Variants in MALRD1 observed in about 807,000 individuals in gnomAD.
The protein encoded by MALRD1 is MAM and LDL-receptor class A domain-containing protein 1.
MALRD1 carries 247 observed loss-of-function variants against 242.1 expected under a neutral mutation model. The ratio of observed to expected loss-of-function variants is 1.02; its 90% CI spans 0.92 to 1.13. MALRD1 has a LOEUF of 1.13. MALRD1 is among the 50% of genes most tolerant of loss of function. MALRD1 has a pLI of 0.00. For missense variants in MALRD1, 2,989 were observed against 2,533.1 expected (o/e 1.18, Z -3.86); for synonymous variants, 995 against 866.6 (o/e 1.15, Z -2.60).
At chr10:19,697,123 AG>A (rs1439707328) in intron 38 of MALRD1, among the ~76,000 whole-genome samples, 3 of 152,168 alleles carry the variant, frequency 2.0e-5, no homozygotes, top group Admixed American at 1.3e-4. Flanking sequence ...ACATAAAAAT[AG>A]GATACAGAGA....
rs3045358 is a variant in MALRD1 at position 19,485,646 on chromosome 10, T to TAAA, written c.5030-5860_5030-5858dup. On this transcript the variant is annotated intron_variant, in intron 29 of 39. Coordinates refer to ENST00000454679, the MANE Select transcript of MALRD1 (RefSeq NM_001142308.3). ...CGACAGAGCAAGACTCCGTCTCAATTAAAAAAAAAAAAATAGTAATAATAA... is the reference window on the plus strand; with the variant it reads ...CGACAGAGCAAGACTCCGTCTCAATTAAAAAAAAAAAAAAAATAGTAATAATAA... 1.8e-3 allele frequency among the ~76,000 whole-genome samples: 266 copies of TAAA among 145,432 alleles called. 2 individuals carry two copies. The highest frequency in any genetic ancestry group is 6.1e-3 in the East Asian group (30 of 4,942).
chr10:19,595,544 T>C lies in MALRD1; in HGVS notation c.5944+87T>C, dbSNP rs75105132. On this transcript the variant is annotated intron_variant, in intron 34 of 39. Transcript: ENST00000454679. ...AAGCTCGACAGATAAAATGAAGTTC[T>C]CTAGAGCCTTACCGTGATTGTATCA... 1,810 of 1,371,168 alleles carry C rather than the reference T, an allele frequency of 1.3e-3. 20 individuals carry two copies. The African/African-American group carries it at 0.024, about 18-fold the overall frequency. 84.9% of individuals were successfully genotyped at this position (1,371,168 alleles called of 1,614,324 possible). A position where few individuals can be genotyped will look rare whatever the true frequency, so the allele number is the denominator to read the frequency against.
chr10:19,165,387 C>T (rs1407467212), intron 12 of MALRD1, among the ~76,000 whole-genome samples: 1 of 150,998 alleles, frequency 6.6e-6, no homozygotes, highest in African/African-American at 2.4e-5. Context: ...TGCAACCTCC[C>T]CGCCTTCTGG....
At chr10:19,310,564 C>A (rs1315295103) in intron 21 of MALRD1, among the ~76,000 whole-genome samples, 2 of 151,510 alleles carry the variant, frequency 1.3e-5, no homozygotes, top group African/African-American at 4.8e-5. Context: ...GTTTTGAATT[C>A]TTTAGTTTAA....
Position 19,098,581 on chromosome 10 carries a change from G to A in MALRD1, c.598-5398G>A, listed in dbSNP as rs560338618. ...ACTCTCATCATTTTGTGTCTCAAAT[G>A]TTTGCTTGGGAAATAAATGGAATGT... On this transcript the variant is annotated intron_variant, in intron 4 of 39. Transcript: ENST00000454679. Among the ~76,000 whole-genome samples, 414 of 152,166 alleles carry A rather than the reference G, an allele frequency of 2.7e-3. 1 individual carries two copies. Among genetic ancestry groups the A allele is most frequent in the African/African-American group, 9.5e-3 (396 of 41,514 alleles).
At chr10:19,669,493 G>A (rs1181904688) in intron 36 of MALRD1, among the ~76,000 whole-genome samples, 2 of 152,142 alleles carry the variant, frequency 1.3e-5, no homozygotes, top group Non-Finnish European at 2.9e-5. Flanking sequence ...GGAGCAAAGG[G>A]ACAGGGAGTT....
intron 21 of MALRD1, among the ~76,000 whole-genome samples, chr10:19,307,401 A>T (rs1159517106): frequency 6.6e-6 from 1 of 151,548 alleles, no homozygotes. Context: ...CAGTCTCTCC[A>T]TCAGATTTGG....
chr10:19,050,822 C>T (rs1834471259), intron 1 of MALRD1, among the ~76,000 whole-genome samples: 1 of 152,200 alleles, frequency 6.6e-6, no homozygotes, highest in South Asian at 2.1e-4. Context: ...CATTATAAAT[C>T]TCTATGAAGC....
intron 36 of MALRD1, among the ~76,000 whole-genome samples, chr10:19,624,972 G>A (rs191425395): frequency 2.6e-4 from 39 of 152,100 alleles, no homozygotes; most frequent in Non-Finnish European, 4.4e-4. Context: ...AGGCAGAAGT[G>A]GGAGGATTGC....
chr10:19,636,031 G>T (rs11010817), intron 36 of MALRD1, among the ~76,000 whole-genome samples: 6,512 of 151,988 alleles, frequency 0.043, 190 homozygotes, highest in Middle Eastern at 0.092. Flanking sequence ...CTTCCCAGTA[G>T]CTGGGATTAC....
At chr10:19,099,914 C>T (rs1029123368) in intron 4 of MALRD1, among the ~76,000 whole-genome samples, 1 of 151,916 alleles carries the variant, frequency 6.6e-6, no homozygotes, top group Non-Finnish European at 1.5e-5. Flanking sequence ...GTGTGTACCA[C>T]CACACCTGGC....
rs1176793687 is a variant in MALRD1 at position 19,280,218 on chromosome 10, C to A, written c.3251C>A (p.Ser1084Tyr). 3 of 1,499,614 alleles carry A rather than the reference C, an allele frequency of 2.0e-6. No homozygotes were observed. The highest frequency in any genetic ancestry group is 1.8e-6 in the Non-Finnish European group (2 of 1,127,068). 92.9% of individuals were successfully genotyped at this position (1,499,614 alleles called of 1,614,324 possible). The change falls in exon 20 of 40, where the codon TCC becomes TAC. Residue 1084 changes from serine to tyrosine, a missense_variant. Ser to Tyr is a moderately radical substitution (Grantham distance 144). Transcript: ENST00000454679. ...TGCCCTGACAAATCAGATGAAGCAT[C>A]CTGTGGTAGGTGGATTCTTAAAATT... ...YDCPDKSDEA[S>Y]CVMEVCSFEK... is the part of the protein sequence containing the mutation.
chr10:19,129,944 A>G (rs1588588013), intron 8 of MALRD1, among the ~76,000 whole-genome samples: 1 of 150,690 alleles, frequency 6.6e-6, no homozygotes, highest in Middle Eastern at 3.5e-3. Context: ...TGTGATATAT[A>G]TATATATCTC....
intron 9 of MALRD1, among the ~76,000 whole-genome samples, chr10:19,135,761 A>C (rs1833313445): frequency 6.6e-6 from 1 of 152,202 alleles, no homozygotes; most frequent in African/African-American, 2.4e-5. Context: ...GACAGCAAAT[A>C]ATTGGTTATC....
intron 20 of MALRD1, among the ~76,000 whole-genome samples, chr10:19,280,779 A>G (rs1419496215): frequency 6.6e-6 from 1 of 152,216 alleles, no homozygotes; most frequent in Admixed American, 6.5e-5. Flanking sequence ...AAGACAAACT[A>G]TTTAGTTTAA....
chr10:19,302,166 T>C (rs892952850), intron 21 of MALRD1, among the ~76,000 whole-genome samples: 3 of 151,810 alleles, frequency 2.0e-5, no homozygotes, highest in African/African-American at 7.2e-5. Flanking sequence ...TTGCTAATGG[T>C]AATGTAAAAT....
chr10:19,206,821 G>T (rs746608467), intron 17 of MALRD1, among the ~76,000 whole-genome samples: 11 of 152,158 alleles, frequency 7.2e-5, no homozygotes, highest in East Asian at 1.9e-4. Flanking sequence ...ATAGAAAAAC[G>T]TGTTTGCTTT....
intron 31 of MALRD1, among the ~76,000 whole-genome samples, chr10:19,499,145 C>T (rs1157242641): frequency 6.6e-6 from 1 of 152,098 alleles, no homozygotes; most frequent in Non-Finnish European, 1.5e-5. Context: ...ACAAGTGTTG[C>T]TTTCTGCCCT....
At chr10:19,626,449 C>T (rs1839655366) in intron 36 of MALRD1, among the ~76,000 whole-genome samples, 2 of 151,642 alleles carry the variant, frequency 1.3e-5, no homozygotes, top group South Asian at 4.2e-4. Context: ...TATTGACAGC[C>T]TAGGAAATCC....
Sources: allele counts gnomAD v4.1 joint callset (sites outside exome capture counted in the v4.1 genomes callset), GRCh38; gene constraint gnomAD v4.1.1; transcripts MANE v1.5; gene names NCBI Gene and HGNC (gene_info 2026-07-23, HGNC 2026-07-21).